The following DIP2C variants were observed in gnomAD, a reference collection of about 807,000 sequenced individuals.
DIP2C encodes the protein DIP2 acetate--CoA ligase C (putative).
In DIP2C, 33 loss-of-function variants were observed where a neutral mutation model predicts 192.4. The ratio of observed to expected loss-of-function variants is 0.17; its 90% CI spans 0.13 to 0.23. DIP2C has a LOEUF of 0.23. Among genes scored for constraint, DIP2C ranks in the 10% least tolerant of loss-of-function variants. DIP2C has a pLI of 1.00. For synonymous variants in DIP2C, 979 were observed against 864.1 expected (o/e 1.13, Z -2.33); for missense variants, 1,537 against 2,110.1 (o/e 0.73, Z 5.32).
intron 1 of DIP2C, among the ~76,000 whole-genome samples, chr10:539,557 G>A (rs1274645145): frequency 6.6e-6 from 1 of 152,178 alleles, no homozygotes. Flanking sequence ...GGGCACTGTG[G>A]AATGGCTATA....
intron 1 of DIP2C, chr10:665,918 T>C (rs1857060138): frequency 6.6e-6 from 1 of 152,130 alleles, no homozygotes; most frequent in South Asian, 2.1e-4. Context: ...AATAATCAAG[T>C]GGAAATCACT....
intron 1 of DIP2C, among the ~76,000 whole-genome samples, chr10:540,618 GA>G (rs1251186320): frequency 6.6e-6 from 1 of 152,244 alleles, no homozygotes; most frequent in Non-Finnish European, 1.5e-5. Context: ...GGGAGACCAA[GA>G]ATATGGCGGT....
At chr10:491,886 A>T (rs1052156572) in intron 1 of DIP2C, among the ~76,000 whole-genome samples, 1 of 152,126 alleles carries the variant, frequency 6.6e-6, no homozygotes, top group African/African-American at 2.4e-5. Context: ...CCGTCAGGGG[A>T]GGGAGGCAAA....
intron 21 of DIP2C, among the ~76,000 whole-genome samples, chr10:362,953 A>G (rs1029100299): frequency 2.0e-5 from 3 of 152,176 alleles, no homozygotes; most frequent in African/African-American, 4.8e-5. Context: ...AGATCAAACA[A>G]AAAGCTTACT....
chr10:357,758 GGTCGCAGATGGTCGGGGACA>G, intron 23 of DIP2C, 50 bp downstream of exon 23: 5 of 1,178,654 alleles, frequency 4.2e-6, no homozygotes, highest in Non-Finnish European at 6.2e-6. Context: ...TGTCGGGGAT[GGTCGCAGATGGTCGGGGACA>G]GTCGGAAAAG....
At chr10:445,590 ATGGTCTACTGGGCATCT>A (rs1968112293) in intron 3 of DIP2C, among the ~76,000 whole-genome samples, 2 of 143,960 alleles carry the variant, frequency 1.4e-5, no homozygotes, top group African/African-American at 5.4e-5. Context: ...GAAGAGTCTC[ATGGTCTACTGGGCATCT>A]GTATACAACT....
chr10:650,784 C>T (rs1771045381), intron 1 of DIP2C: 5 of 671,836 alleles, frequency 7.4e-6, no homozygotes, highest in Non-Finnish European at 1.4e-5. Context: ...TAATTTGCAA[C>T]CAGAATCCTG....
At chr10:409,842 AAAT>A (rs1965068759) in intron 8 of DIP2C, among the ~76,000 whole-genome samples, 1 of 152,266 alleles carries the variant, frequency 6.6e-6, no homozygotes, top group African/African-American at 2.4e-5. Context: ...GTCTGAGATC[AAAT>A]AACAATGACT....
intron 5 of DIP2C, among the ~76,000 whole-genome samples, chr10:422,502 C>T (rs376019045): frequency 1.3e-5 from 2 of 152,264 alleles, no homozygotes; most frequent in Admixed American, 1.3e-4. Flanking sequence ...ACGGTCAGGA[C>T]GAGCACATTT....
chr10:281,422 AC>A, intron 35 of DIP2C, 99 bp from the exon 36 acceptor site: 1 of 1,461,414 alleles, frequency 6.8e-7, no homozygotes. Flanking sequence ...CCCAAGTGAG[AC>A]AGGGATGCAA....
chr10:530,521 T>TAAA (rs1847302702), intron 1 of DIP2C, among the ~76,000 whole-genome samples: 1 of 151,838 alleles, frequency 6.6e-6, no homozygotes, highest in African/African-American at 2.4e-5. Context: ...TGCTGACTTT[T>TAAA]AAAAACATGG....
At chr10:283,248 G>T (rs45445697) in intron 35 of DIP2C, 24 bp downstream of exon 35, 766,272 of 1,608,590 alleles carry the variant, frequency 0.48, 194,867 homozygotes, top group Non-Finnish European at 0.53. Context: ...CTGTTGGGGG[G>T]GGGCCGCCAG....
chr10:581,184 T>A (rs1217881499), intron 1 of DIP2C, among the ~76,000 whole-genome samples: 1 of 151,680 alleles, frequency 6.6e-6, no homozygotes, highest in African/African-American at 2.4e-5. Flanking sequence ...CTTAGACGCT[T>A]TCTGATACTT....
At chr10:340,429 C>A (rs554139748) in intron 29 of DIP2C, among the ~76,000 whole-genome samples, 5 of 151,902 alleles carry the variant, frequency 3.3e-5, no homozygotes, top group African/African-American at 9.7e-5. Context: ...ATGATGGTCA[C>A]GGGTGTTTAT....
At chr10:342,324 A>C (rs1213202401) in intron 28 of DIP2C, among the ~76,000 whole-genome samples, 1 of 152,024 alleles carries the variant, frequency 6.6e-6, no homozygotes, top group Non-Finnish European at 1.5e-5. Context: ...ACGCCCGGCT[A>C]ATTTTTTGTA....
At chr10:681,021 C>A (rs932892849) in intron 1 of DIP2C, among the ~76,000 whole-genome samples, 9 of 151,204 alleles carry the variant, frequency 6.0e-5, no homozygotes, top group Non-Finnish European at 1.2e-4. Context: ...ATGCAGGCCC[C>A]AGTTGCATGG....
At chr10:566,821 GGCT>G (rs1221935014) in intron 1 of DIP2C, among the ~76,000 whole-genome samples, 1 of 152,190 alleles carries the variant, frequency 6.6e-6, no homozygotes, top group Non-Finnish European at 1.5e-5. Context: ...CAGCGTCTAT[GGCT>G]GCTGTGATGC....
At chr10:364,737 G>A (rs1959975848) in intron 19 of DIP2C, among the ~76,000 whole-genome samples, 155 bp from the exon 20 acceptor site, 1 of 152,188 alleles carries the variant, frequency 6.6e-6, no homozygotes, top group South Asian at 2.1e-4. Context: ...GACCGCTGGT[G>A]GCCAACAGTC....
chr10:532,501 T>C (rs1313524849), intron 1 of DIP2C, among the ~76,000 whole-genome samples: 1 of 152,012 alleles, frequency 6.6e-6, no homozygotes, highest in Non-Finnish European at 1.5e-5. Context: ...TTCTGTCCAT[T>C]TAGAATTGGT....
Sources: gnomAD v4.1 joint callset for allele counts (sites outside exome capture counted in the v4.1 genomes callset) on GRCh38, gnomAD v4.1.1 for gene constraint, MANE v1.5 for transcripts, NCBI Gene and HGNC (gene_info 2026-07-23, HGNC 2026-07-21) for gene names.